XKR4: variants seen among roughly 807,000 people sequenced by gnomAD.
XKR4 encodes XK related 4.
XKR4 carries 12 observed loss-of-function variants against 53.9 expected under a neutral mutation model. That is an observed-to-expected ratio of 0.22 (90% CI 0.14 to 0.36). The LOEUF (loss-of-function observed/expected upper bound fraction) is 0.36. Among genes scored for constraint, XKR4 ranks in the 10% least tolerant of loss-of-function variants. The pLI is 1.00. For synonymous variants in XKR4, 354 were observed against 362.4 expected (o/e 0.98, Z 0.26); for missense variants, 799 against 859.5 (o/e 0.93, Z 0.88).
At chr8:55,418,940 G>T (rs907687335) in intron 2 of XKR4, among the ~76,000 whole-genome samples, 1 of 150,286 alleles carries the variant, frequency 6.7e-6, no homozygotes, top group East Asian at 2.0e-4. Context: ...CCATACTTTT[G>T]TTCTTTAGAT....
intron 1 of XKR4, among the ~76,000 whole-genome samples, chr8:55,206,967 C>T (rs548766035): frequency 3.3e-5 from 5 of 152,240 alleles, no homozygotes; most frequent in Admixed American, 1.3e-4. Context: ...CCCTGCCCCG[C>T]GGCATAGTCT....
intron 1 of XKR4, among the ~76,000 whole-genome samples, chr8:55,138,265 G>A (rs931045962): frequency 6.6e-6 from 1 of 152,100 alleles, no homozygotes; most frequent in Non-Finnish European, 1.5e-5. Flanking sequence ...AGGTGAGGGA[G>A]AACTTGAAGT....
intron 2 of XKR4, among the ~76,000 whole-genome samples, chr8:55,474,626 GTTA>G (rs1056707437): frequency 3.9e-4 from 59 of 152,138 alleles, no homozygotes; most frequent in African/African-American, 4.8e-5. Context: ...GGGCATTTAA[GTTA>G]TTATTGGAGC....
At chr8:55,289,697 G>A (rs867692177) in intron 1 of XKR4, among the ~76,000 whole-genome samples, 6 of 109,464 alleles carry the variant, frequency 5.5e-5, no homozygotes, top group East Asian at 5.0e-4. Flanking sequence ...GAAAGAAAGA[G>A]AAAGAAAGAA....
At position 55,103,060 on chromosome 8, in the gene XKR4, A is replaced by G. The variant is rs779231060; in HGVS notation, c.572A>G (p.Asp191Gly). The G allele has an allele frequency of 1.2e-6, 2 of 1,612,704 alleles. No individual in the cohort carries two copies. The highest frequency in any genetic ancestry group is 4.5e-5 in the East Asian group (2 of 44,856). The change falls in exon 1 of 3, where the codon GAT (aspartate) becomes GGT (glycine). Residue 191 changes from aspartate (D) to glycine (G), a missense_variant. Around this residue, in one of 3 missense-constraint regions of XKR4, gnomAD observed 476 missense variants for 505.4 expected, o/e 0.94. Coordinates refer to ENST00000327381, the MANE Select transcript of XKR4 (RefSeq NM_052898.2). ...TCCAGCTGCCCGCAGCCTGGAGCCG[A>G]TTGCAAGACGGTGGTCGGCGGTGGG... The part of the protein sequence containing the change: ...AASSCPQPGA[D>G]CKTVVGGGSA...
chr8:55,523,438 C>T lies in XKR4; in HGVS notation c.1164C>T (p.Ile388=). The T allele has an allele frequency of 6.2e-7, 1 of 1,614,200 alleles. No individual in the cohort carries two copies. Residue 388 remains isoleucine (I), a synonymous_variant, in exon 3 of 3, where the codon ATC becomes ATT. Transcript: ENST00000327381. ...WHFFTIAARV[I]TFALFASVFQ... is the part of the protein sequence containing the mutation. Reference sequence around the variant, plus strand: ...TCTTCACCATCGCCGCCAGGGTCATCACGTTTGCCCTCTTTGCCTCGGTTT... The same window carrying T: ...TCTTCACCATCGCCGCCAGGGTCATTACGTTTGCCCTCTTTGCCTCGGTTT...
chr8:55,348,827 G>C (rs1803688768), intron 1 of XKR4, among the ~76,000 whole-genome samples: 2 of 152,098 alleles, frequency 1.3e-5, no homozygotes, highest in African/African-American at 4.8e-5. Flanking sequence ...TGTTTACATA[G>C]AGATATAGAC....
At chr8:55,342,116 C>T (rs1027127060) in intron 1 of XKR4, among the ~76,000 whole-genome samples, 3 of 151,874 alleles carry the variant, frequency 2.0e-5, no homozygotes, top group Non-Finnish European at 2.9e-5. Flanking sequence ...ATCTAAGTTG[C>T]CCCATCTCTG....
chr8:55,105,619 A>C (rs1415406691), intron 1 of XKR4, among the ~76,000 whole-genome samples: 1 of 152,220 alleles, frequency 6.6e-6, no homozygotes, highest in Non-Finnish European at 1.5e-5. Context: ...TTTTCAGAAT[A>C]ATGTGTGTAG....
chr8:55,431,110 A>G (rs943420461), intron 2 of XKR4, among the ~76,000 whole-genome samples: 1 of 152,238 alleles, frequency 6.6e-6, no homozygotes, highest in African/African-American at 2.4e-5. Flanking sequence ...AAGATTTGTA[A>G]AGGAGTTTGA....
chr8:55,225,391 G>C (rs1444568878), intron 1 of XKR4, among the ~76,000 whole-genome samples: 1 of 152,168 alleles, frequency 6.6e-6, no homozygotes, highest in African/African-American at 2.4e-5. Context: ...AGTTAACATG[G>C]TGTTCTTTGC....
At chr8:55,259,577 G>A (rs957151996) in intron 1 of XKR4, among the ~76,000 whole-genome samples, 1 of 152,010 alleles carries the variant, frequency 6.6e-6, no homozygotes, top group Non-Finnish European at 1.5e-5. Context: ...GGGGACCCTC[G>A]CTTGATGTGG....
intron 2 of XKR4, among the ~76,000 whole-genome samples, chr8:55,446,267 T>C (rs1876230): frequency 0.74 from 112,238 of 152,178 alleles, 42,344 homozygotes; most frequent in African/African-American, 0.91. Flanking sequence ...GTGCATAACA[T>C]GGGCTCAACC....
chr8:55,454,110 G>A (rs768969502), intron 2 of XKR4: 168 of 832,920 alleles, frequency 2.0e-4, no homozygotes, highest in Non-Finnish European at 3.0e-4. Context: ...GACGTCATGG[G>A]TGGAGGGAAG....
Position 55,182,016 on chromosome 8 carries a change from T to G in XKR4, c.806+78722T>G, listed in dbSNP as rs77632971. Among the ~76,000 whole-genome samples, 452 of 152,344 alleles carry G rather than the reference T, an allele frequency of 3.0e-3. 3 individuals are homozygous for G. The highest frequency in any genetic ancestry group is 0.01 in the African/African-American group (431 of 41,582). On this transcript the variant is annotated intron_variant, in intron 1 of 2. Transcript: ENST00000327381. ...CTGTACCTGACTCTGTGTTGTTCCC[T>G]CCTCATGTATTCCATGACTTACTTG...
chr8:55,176,959 T>G (rs1817244031), intron 1 of XKR4, among the ~76,000 whole-genome samples: 1 of 151,948 alleles, frequency 6.6e-6, no homozygotes, highest in Non-Finnish European at 1.5e-5. Flanking sequence ...GTACCCCATA[T>G]AATTTGCCTA....
intron 2 of XKR4, among the ~76,000 whole-genome samples, chr8:55,358,406 A>G (rs911165045): frequency 1.1e-5 from 1 of 91,984 alleles, no homozygotes; most frequent in African/African-American, 5.7e-5. Context: ...TCATAAAGGA[A>G]AAAAAAAATT....
chr8:55,384,885 A>G (rs1804287563), intron 2 of XKR4, among the ~76,000 whole-genome samples: 1 of 152,216 alleles, frequency 6.6e-6, no homozygotes, highest in African/African-American at 2.4e-5. Flanking sequence ...CACCCAAAAC[A>G]GGTTCCATGG....
chr8:55,144,798 A>G (rs1816748971), intron 1 of XKR4, among the ~76,000 whole-genome samples: 2 of 83,682 alleles, frequency 2.4e-5, no homozygotes, highest in South Asian at 9.1e-4. Context: ...TATTCACAGT[A>G]TTACCACTAT....
Sources: gnomAD v4.1 joint callset for allele counts (sites outside exome capture counted in the v4.1 genomes callset) on GRCh38, gnomAD v4.1.1 for gene constraint, gnomAD v4.1.1 regional missense constraint, MANE v1.5 for transcripts, NCBI Gene and HGNC (gene_info 2026-07-23, HGNC 2026-07-21) for gene names.